Variants in SI observed in about 807,000 individuals in gnomAD.
SI encodes the protein sucrase-isomaltase, intestinal.
A neutral mutation model predicts 253.3 loss-of-function variants in SI; 235 were observed. The ratio of observed to expected loss-of-function variants is 0.93; its 90% CI spans 0.83 to 1.03. The LOEUF (loss-of-function observed/expected upper bound fraction) is 1.03. Among genes scored for constraint, SI ranks in the 50% least tolerant of loss-of-function variants. The pLI is 0.00. For missense variants in SI, 2,442 were observed against 2,211.1 expected (o/e 1.10, Z -2.09); for synonymous variants, 819 against 712.0 (o/e 1.15, Z -2.39).
chr3:164,989,369 AAAGGAAGAAAGAAAGAAAGG>A (rs1317349387), intron 44 of SI, among the ~76,000 whole-genome samples: 396 of 119,036 alleles, frequency 3.3e-3, no homozygotes, highest in African/African-American at 0.013. Flanking sequence ...AGAAAGAAAG[AAAGGAAGAAAGAAAGAAAGG>A]AAGAAAGAAA....
At position 165,075,857 on chromosome 3, in the gene SI, T is replaced by C. The variant is rs748090055; in HGVS notation, c.118+38A>G. The C allele has an allele frequency of 6.2e-5, 76 of 1,227,568 alleles. 1 individual carries two copies. The highest frequency in any genetic ancestry group is 1.9e-5 in the Non-Finnish European group (16 of 829,736). The allele number at this position is 1,227,568 out of a possible 1,614,324, so 76.0% of individuals were successfully genotyped here. On this transcript the variant is annotated intron_variant, in intron 2 of 47. Transcript: ENST00000264382. ...ATTGTGGAGTAACTTCCTCCTAACTTCACGATAATGTAGCCATGCTTTTAA... is the reference window on the plus strand; with the variant it reads ...ATTGTGGAGTAACTTCCTCCTAACTCCACGATAATGTAGCCATGCTTTTAA...
intron 23 of SI, among the ~76,000 whole-genome samples, chr3:165,033,149 G>A (rs953886006): frequency 2.6e-5 from 4 of 151,580 alleles, no homozygotes; most frequent in Non-Finnish European, 5.9e-5. Context: ...ATCATAACAT[G>A]TCAAGAAGTC....
At chr3:165,031,785 C>T (rs9862106) in intron 24 of SI, among the ~76,000 whole-genome samples, 138,698 of 150,850 alleles carry the variant, frequency 0.92, 63,801 homozygotes, top group Middle Eastern at 0.96. Flanking sequence ...TTTTTAAATA[C>T]TACAGTCTCT....
chr3:165,063,684 A>G (rs1714088177), intron 7 of SI, 143 bp from the exon 8 acceptor site: 1 of 479,786 alleles, frequency 2.1e-6, no homozygotes, highest in East Asian at 3.5e-5. Context: ...CACTATATGT[A>G]CCAGTGAAAT....
At chr3:165,063,681 T>C in intron 7 of SI, 140 bp from the exon 8 acceptor site, 1 of 483,928 alleles carries the variant, frequency 2.1e-6, no homozygotes. Flanking sequence ...CTTCACTATA[T>C]GTACCAGTGA....
At position 165,059,904 on chromosome 3, in the gene SI, A is replaced by T; in HGVS notation, c.1144T>A (p.Phe382Ile). 6.2e-7 allele frequency: 1 copy of T among 1,611,280 alleles called. No homozygotes were observed. Among genetic ancestry groups the T allele is most frequent in the African/African-American group, 1.3e-5 (1 of 74,944 alleles). ...CACGGACCCTTTATTCTACTTACAA[A>T]TGGTATGCCAGCTTCCCGGTTTCTC... ...VRRNREAGIP[F>I]DTQVTDIDYM... Residue 382 changes from phenylalanine to isoleucine, a missense_variant and splice_region_variant, in exon 10 of 48, where the codon TTT becomes ATT. Transcript: ENST00000264382.
rs777969297 is a variant in SI at position 165,074,515 on chromosome 3, G to C, written c.255+16C>G. On this transcript the variant is annotated intron_variant, in intron 3 of 47. Coordinates refer to ENST00000264382, the MANE Select transcript of SI (RefSeq NM_001041.4). The stretch of plus-strand genomic sequence containing the variant: ...GTATATATTCATTAAAAATATTAAA[G>C]ACTTTTGCTGCAGACCTCTGTTGGG... The C allele has an allele frequency of 5.8e-6, 9 of 1,564,848 alleles. No individual in the cohort carries two copies. The highest frequency in any genetic ancestry group is 1.4e-5 in the African/African-American group (1 of 73,614).
chr3:165,018,778 A>T (rs1719165701), intron 28 of SI, among the ~76,000 whole-genome samples: 1 of 151,556 alleles, frequency 6.6e-6, no homozygotes, highest in South Asian at 2.1e-4. Context: ...ACAAATGCTG[A>T]AGGGATTTTA....
chr3:164,993,886 C>T (rs7627474), intron 41 of SI, among the ~76,000 whole-genome samples: 7,863 of 151,472 alleles, frequency 0.052, 686 homozygotes, highest in African/African-American at 0.18. Context: ...AGTAGATTTA[C>T]GTAACTGCAG....
At chr3:165,025,886 C>T (rs1711887651) in intron 25 of SI, among the ~76,000 whole-genome samples, 1 of 151,286 alleles carries the variant, frequency 6.6e-6, no homozygotes, top group African/African-American at 2.4e-5. Flanking sequence ...AACAGAACCT[C>T]TTTAAAGCAT....
At chr3:165,017,090 C>T (rs1332315912) in intron 31 of SI, among the ~76,000 whole-genome samples, 1 of 151,774 alleles carries the variant, frequency 6.6e-6, no homozygotes, top group Non-Finnish European at 1.5e-5. Context: ...ACTTAGCTTC[C>T]TGAATATTGA....
At chr3:165,058,903 C>T (rs1201473382) in intron 12 of SI, 60 bp downstream of exon 12, 9 of 1,439,416 alleles carry the variant, frequency 6.3e-6, no homozygotes. Context: ...TCCACAGAAA[C>T]TTTATTATTT....
intron 38 of SI, among the ~76,000 whole-genome samples, 191 bp downstream of exon 38, chr3:164,998,349 A>T (rs1213665436): frequency 6.6e-6 from 1 of 151,738 alleles, no homozygotes; most frequent in East Asian, 1.9e-4. Context: ...CTAATTGAAG[A>T]TCATTAGTTT....
At chr3:164,993,088 C>G (rs1239189191) in intron 41 of SI, among the ~76,000 whole-genome samples, 1 of 151,486 alleles carries the variant, frequency 6.6e-6, no homozygotes, top group East Asian at 1.9e-4. Context: ...GAGATTAATG[C>G]TGAATTGGAA....
intron 26 of SI, 22 bp downstream of exon 26, chr3:165,023,548 G>A (rs1227817109): frequency 1.3e-6 from 2 of 1,518,290 alleles, no homozygotes; most frequent in Admixed American, 1.7e-5. Flanking sequence ...TTAAGCTTTG[G>A]GGTAGTTTAT....
chr3:164,992,582 C>T lies in SI; in HGVS notation c.4842-185G>A, dbSNP rs114930293. Among the ~76,000 whole-genome samples the T allele has an allele frequency of 9.6e-3, 1,463 of 151,952 alleles. 12 individuals are homozygous for T. Among genetic ancestry groups the T allele is most frequent in the Non-Finnish European group, 0.016 (1,067 of 67,890 alleles). ...TAGTACAATGCTCAGCAGTATAATA[C>T]TTTATGAGTAAATCTAGACTATGAC... On this transcript the variant is annotated intron_variant, in intron 41 of 47. Transcript: ENST00000264382.
rs1719097867 is a variant in SI, at chr3:165,017,581, T to A, written c.3726A>T (p.Leu1242Phe). ...GYANTSEVRE[L>F]YDAMVAANIP... ...TGTTAGCAGCCACCATAGCGTCATA[T>A]AATTCCCGAACCTCTGAAGTATTTG... Residue 1242 changes from leucine to phenylalanine, a missense_variant, in exon 31 of 48, where the codon TTA (leucine) becomes TTT (phenylalanine). Physicochemically the swap from Leu to Phe is conservative, Grantham distance 22. Coordinates refer to ENST00000264382, the MANE Select transcript of SI (RefSeq NM_001041.4). 1 of 1,612,542 alleles carries A rather than the reference T, an allele frequency of 6.2e-7. No homozygotes were observed. The highest frequency in any genetic ancestry group is 1.1e-5 in the South Asian group (1 of 91,068).
chr3:165,064,966 G>A (rs899646261), intron 7 of SI, among the ~76,000 whole-genome samples: 1 of 151,978 alleles, frequency 6.6e-6, no homozygotes, highest in Non-Finnish European at 1.5e-5. Context: ...AGCTATTGAT[G>A]GATATAAGTA....
At chr3:165,039,865 T>C (rs1712725567) in intron 19 of SI, 22 bp downstream of exon 19, 5 of 1,537,464 alleles carry the variant, frequency 3.3e-6, no homozygotes, top group South Asian at 1.1e-5. Flanking sequence ...AACAATAAGG[T>C]TATTAAACCT....
Sources: allele counts gnomAD v4.1 joint callset (sites outside exome capture counted in the v4.1 genomes callset), GRCh38; gene constraint gnomAD v4.1.1; transcripts MANE v1.5; gene names NCBI Gene and HGNC (gene_info 2026-07-23, HGNC 2026-07-21).